Variants in PCDH9 observed in about 807,000 individuals in gnomAD.
The protein encoded by PCDH9 is protocadherin 9.
Under a neutral mutation model 70.6 loss-of-function variants are expected in PCDH9, and 24 were observed. The observed-to-expected ratio is 0.34, with a 90% CI of 0.25 to 0.48. The LOEUF (loss-of-function observed/expected upper bound fraction) is 0.48, where lower values mean the gene tolerates loss of function less well. PCDH9 is among the 20% of genes least tolerant of loss of function. The pLI, the probability that PCDH9 is intolerant of heterozygous loss-of-function variation, is 0.99. For missense variants in PCDH9, 1,281 were observed against 1,503.6 expected (o/e 0.85, Z 2.45); for synonymous variants, 562 against 558.5 (o/e 1.01, Z -0.09).
At chr13:66,971,349 A>G (rs2083518931) in intron 2 of PCDH9, among the ~76,000 whole-genome samples, 1 of 152,070 alleles carries the variant, frequency 6.6e-6, no homozygotes, top group Admixed American at 6.6e-5. Context: ...AATATAAACA[A>G]AACCAAACAC....
chr13:67,151,262 T>C (rs1437942574), intron 2 of PCDH9, among the ~76,000 whole-genome samples: 1 of 152,232 alleles, frequency 6.6e-6, no homozygotes, highest in East Asian at 1.9e-4. Context: ...TTGTGATTTC[T>C]CTGCTACTAA....
intron 3 of PCDH9, among the ~76,000 whole-genome samples, chr13:66,835,756 TG>T (rs1015148400): frequency 2.0e-5 from 3 of 152,226 alleles, no homozygotes; most frequent in Admixed American, 1.3e-4. Context: ...ATTAGAAGAC[TG>T]TTATATATTA....
Position 66,568,994 on chromosome 13 carries a change from C to CTTT in PCDH9, c.3340+62213_3340+62215dup, listed in dbSNP as rs61067249. 6.8e-3 allele frequency among the ~76,000 whole-genome samples: 398 copies of CTTT among 58,314 alleles called. 55 individuals are homozygous for CTTT. The highest frequency in any genetic ancestry group is 0.022 in the Middle Eastern group (1 of 46). The allele number at this position is 58,314 out of a possible 152,430, so 38.3% of individuals were successfully genotyped here. On this transcript the variant is annotated intron_variant, in intron 4 of 4. Coordinates refer to ENST00000377865, the MANE Select transcript of PCDH9 (RefSeq NM_203487.3). ...TAACCTTCTGTTCTTGGAAACATGTCTTTTTTTTTTTTTTTTTTTTTTTTT... is the reference window on the plus strand; with the variant it reads ...TAACCTTCTGTTCTTGGAAACATGTCTTTTTTTTTTTTTTTTTTTTTTTTTTTT...
intron 4 of PCDH9, among the ~76,000 whole-genome samples, chr13:66,343,564 G>A (rs748529169): frequency 1.9e-4 from 29 of 152,232 alleles, no homozygotes; most frequent in African/African-American, 5.8e-4. Context: ...AAGGGAGCCC[G>A]TCTCACTTTG....
chr13:66,380,062 A>G lies in PCDH9; in HGVS notation c.3341-75034T>C, dbSNP rs1265565738. On this transcript the variant is annotated intron_variant, in intron 4 of 4. Transcript: ENST00000377865. Reference sequence around the variant, plus strand: ...AATATATATGGACCTAGTTAAATCAACAGTCATTCAAACATACAGTTGATA... The same window carrying G: ...AATATATATGGACCTAGTTAAATCAGCAGTCATTCAAACATACAGTTGATA... Among the ~76,000 whole-genome samples the G allele has an allele frequency of 2.0e-5, 3 of 152,192 alleles. No homozygotes were observed. In the East Asian group the frequency reaches 5.8e-4, roughly 29 times the overall value.
chr13:66,322,818 G>A (rs1176104845), intron 4 of PCDH9, among the ~76,000 whole-genome samples: 1 of 151,800 alleles, frequency 6.6e-6, no homozygotes, highest in Admixed American at 6.6e-5. Context: ...TCTCAGCTTT[G>A]CTAACAAAAC....
intron 3 of PCDH9, among the ~76,000 whole-genome samples, chr13:66,810,213 T>A (rs2080479758): frequency 6.6e-6 from 1 of 152,120 alleles, no homozygotes; most frequent in Non-Finnish European, 1.5e-5. Context: ...GGGCTTAGAA[T>A]CCTTTTTTAT....
At chr13:66,687,451 T>C (rs1184398449) in intron 3 of PCDH9, among the ~76,000 whole-genome samples, 1 of 152,118 alleles carries the variant, frequency 6.6e-6, no homozygotes, top group South Asian at 2.1e-4. Flanking sequence ...CTTCATGACT[T>C]TGTATGTTCT....
At chr13:66,433,334 T>G (rs1275088858) in intron 4 of PCDH9, among the ~76,000 whole-genome samples, 1 of 151,930 alleles carries the variant, frequency 6.6e-6, no homozygotes, top group Admixed American at 6.6e-5. Flanking sequence ...TTTCATATAC[T>G]TTCATCATTT....
chr13:66,899,069 T>C (rs2082233348), intron 3 of PCDH9, among the ~76,000 whole-genome samples: 1 of 152,046 alleles, frequency 6.6e-6, no homozygotes, highest in African/African-American at 2.4e-5. Flanking sequence ...TTACTCACCA[T>C]TTGACATATT....
At chr13:67,030,986 T>C (rs149411919) in intron 2 of PCDH9, among the ~76,000 whole-genome samples, 1 of 152,292 alleles carries the variant, frequency 6.6e-6, no homozygotes, top group African/African-American at 2.4e-5. Flanking sequence ...CTATATGCTA[T>C]AGTTTCAAAA....
intron 4 of PCDH9, among the ~76,000 whole-genome samples, chr13:66,393,317 GA>G (rs1039592809): frequency 7.7e-4 from 117 of 152,088 alleles, no homozygotes; most frequent in African/African-American, 2.7e-3. Flanking sequence ...AGAATAGGTG[GA>G]AAAAAAGAAG....
chr13:66,351,197 T>A (rs1156388589), intron 4 of PCDH9, among the ~76,000 whole-genome samples: 1 of 152,198 alleles, frequency 6.6e-6, no homozygotes, highest in Non-Finnish European at 1.5e-5. Flanking sequence ...TGTATAAAAA[T>A]TATCCTTCCA....
chr13:66,462,530 G>T (rs549190831), intron 4 of PCDH9, among the ~76,000 whole-genome samples: 1 of 151,812 alleles, frequency 6.6e-6, no homozygotes. Flanking sequence ...AAAATTATCT[G>T]CCCGTTAGAA....
chr13:66,717,552 G>T (rs969062297), intron 3 of PCDH9, among the ~76,000 whole-genome samples: 3 of 138,342 alleles, frequency 2.2e-5, no homozygotes, highest in East Asian at 2.1e-4. Flanking sequence ...GATATGTCTC[G>T]CATACAACTG....
intron 4 of PCDH9, among the ~76,000 whole-genome samples, chr13:66,512,542 C>T (rs1959530230): frequency 3.3e-5 from 5 of 152,014 alleles, no homozygotes. Flanking sequence ...TGAATCTCCA[C>T]AATACCCCCA....
chr13:67,155,770 G>T (rs1305683004), intron 2 of PCDH9, among the ~76,000 whole-genome samples: 3 of 151,754 alleles, frequency 2.0e-5, no homozygotes, highest in African/African-American at 7.3e-5. Flanking sequence ...CTGTTTTGTG[G>T]GAATAATAAT....
chr13:67,087,458 A>G lies in PCDH9; in HGVS notation c.3036+137947T>C, dbSNP rs2086131201. Among the ~76,000 whole-genome samples the G allele has an allele frequency of 2.0e-5, 3 of 152,184 alleles. No individual in the cohort carries two copies. The South Asian group carries it at 6.2e-4, about 31-fold the overall frequency. ...TATACTTTCTAATCTTCCTTAAGAA[A>G]TAAATTTTAATATAGTAAGTAATTC... On this transcript the variant is annotated intron_variant, in intron 2 of 4. Transcript: ENST00000377865.
At chr13:67,194,618 C>G (rs554524974) in intron 2 of PCDH9, among the ~76,000 whole-genome samples, 1 of 151,994 alleles carries the variant, frequency 6.6e-6, no homozygotes. Context: ...AATGTAAAAC[C>G]TTTGCTTCCT....
Sources: gnomAD v4.1 joint callset for allele counts (sites outside exome capture counted in the v4.1 genomes callset) on GRCh38, gnomAD v4.1.1 for gene constraint, MANE v1.5 for transcripts, NCBI Gene and HGNC (gene_info 2026-07-23, HGNC 2026-07-21) for gene names.